Variants in CSNK1G1 observed in about 807,000 individuals in gnomAD.
CSNK1G1 encodes casein kinase 1 gamma 1, also known as casein kinase I isoform gamma-1.
A neutral mutation model predicts 59.6 loss-of-function variants in CSNK1G1; 22 were observed. The observed-to-expected ratio is 0.37, with a 90% CI of 0.26 to 0.53. The LOEUF (loss-of-function observed/expected upper bound fraction) is 0.53. Ranked by LOEUF, CSNK1G1 falls within the 20% of genes least tolerant of loss-of-function variation. The pLI, the probability that CSNK1G1 is intolerant of heterozygous loss-of-function variation, is 0.89. For missense variants in CSNK1G1, 384 were observed against 519.5 expected (o/e 0.74, Z 2.54); for synonymous variants, 179 against 177.1 (o/e 1.01, Z -0.08).
chr15:64,308,789 C>A (rs988687955), intron 1 of CSNK1G1, among the ~76,000 whole-genome samples: 3 of 151,664 alleles, frequency 2.0e-5, no homozygotes, highest in African/African-American at 7.3e-5. Flanking sequence ...CCCAGCTACT[C>A]GGGAAGCTGA....
At chr15:64,183,824 C>T (rs2081852912) in intron 10 of CSNK1G1, among the ~76,000 whole-genome samples, 1 of 151,464 alleles carries the variant, frequency 6.6e-6, no homozygotes, top group Admixed American at 6.6e-5. Flanking sequence ...CAACCTCTAC[C>T]TCCCGAGTTC....
chr15:64,317,295 G>C (rs1175078795), intron 1 of CSNK1G1, among the ~76,000 whole-genome samples: 1 of 152,068 alleles, frequency 6.6e-6, no homozygotes, highest in African/African-American at 2.4e-5. Context: ...CACCATGTTG[G>C]CCAGGCTGGT....
intron 1 of CSNK1G1, among the ~76,000 whole-genome samples, chr15:64,347,921 G>A (rs759999409): frequency 6.6e-6 from 1 of 151,650 alleles, no homozygotes; most frequent in South Asian, 2.1e-4. Flanking sequence ...CAGGGGAATC[G>A]CTTGAACCCA....
chr15:64,266,931 T>C (rs1566926149), intron 2 of CSNK1G1, among the ~76,000 whole-genome samples: 1 of 152,072 alleles, frequency 6.6e-6, no homozygotes. Flanking sequence ...ACAAGGGAAA[T>C]GCTTCATGAC....
chr15:64,219,167 T>C (rs184478189), intron 4 of CSNK1G1, among the ~76,000 whole-genome samples: 101 of 152,274 alleles, frequency 6.6e-4, no homozygotes, highest in African/African-American at 2.4e-3. Flanking sequence ...AAAGAGTCTT[T>C]TTTTCCCGGT....
At chr15:64,323,611 C>G (rs1041920292) in intron 1 of CSNK1G1, among the ~76,000 whole-genome samples, 1 of 151,966 alleles carries the variant, frequency 6.6e-6, no homozygotes, top group African/African-American at 2.4e-5. Flanking sequence ...GTGATCCACC[C>G]GCCTCGGCCT....
At chr15:64,317,710 C>A (rs1896350388) in intron 1 of CSNK1G1, among the ~76,000 whole-genome samples, 1 of 152,148 alleles carries the variant, frequency 6.6e-6, no homozygotes, top group South Asian at 2.1e-4. Context: ...GTTCCCCAGG[C>A]TGGTCTCAAA....
intron 4 of CSNK1G1, among the ~76,000 whole-genome samples, chr15:64,239,567 TG>T (rs1336486524): frequency 6.6e-6 from 1 of 152,064 alleles, no homozygotes; most frequent in Non-Finnish European, 1.5e-5. Context: ...TTCATAGAGA[TG>T]GGGTCTTGCT....
intron 1 of CSNK1G1, among the ~76,000 whole-genome samples, chr15:64,311,586 G>A (rs991057206): frequency 2.0e-5 from 3 of 147,924 alleles, no homozygotes; most frequent in Non-Finnish European, 4.5e-5. Flanking sequence ...CCACGAATTC[G>A]AAGCTGACAT....
intron 4 of CSNK1G1, among the ~76,000 whole-genome samples, chr15:64,239,495 C>T (rs2082665962): frequency 6.6e-6 from 1 of 152,096 alleles, no homozygotes; most frequent in Non-Finnish European, 1.5e-5. Flanking sequence ...CCTGCCTCAG[C>T]CCCACAAGTA....
intron 4 of CSNK1G1, among the ~76,000 whole-genome samples, chr15:64,224,788 C>G (rs2082435195): frequency 6.6e-6 from 1 of 152,038 alleles, no homozygotes; most frequent in Non-Finnish European, 1.5e-5. Context: ...GGGGAAGAGG[C>G]AGTGAGGAAA....
chr15:64,271,637 A>G (rs1201007414), intron 2 of CSNK1G1, among the ~76,000 whole-genome samples: 1 of 152,180 alleles, frequency 6.6e-6, no homozygotes, highest in Non-Finnish European at 1.5e-5. Context: ...GTTTGATATG[A>G]TTTTGGTTCT....
intron 1 of CSNK1G1, among the ~76,000 whole-genome samples, chr15:64,327,732 CG>C (rs755869776): frequency 0.015 from 2,197 of 149,210 alleles, 47 homozygotes; most frequent in African/African-American, 0.045. Flanking sequence ...CTCTGAGCTA[CG>C]GGAGGACATT....
chr15:64,165,804 TG>T lies in CSNK1G1; in HGVS notation c.*6126del, dbSNP rs2081595975. 1 of 398,796 alleles carries T rather than the reference TG, an allele frequency of 2.5e-6. No individual in the cohort carries two copies. Among genetic ancestry groups the T allele is most frequent in the African/African-American group, 2.1e-5 (1 of 48,418 alleles). 24.7% of individuals were successfully genotyped at this position (398,796 alleles called of 1,614,324 possible). On this transcript the variant is annotated 3_prime_UTR_variant, in exon 12 of 12. Coordinates refer to ENST00000303052, the MANE Select transcript of CSNK1G1 (RefSeq NM_022048.5). ...AAACTGAGTCCTTTCCTCCCCAAAC[TG>T]GGGAAGAGGTATACTTAAAGATCAC...
rs1431214361 is a variant in CSNK1G1, at chr15:64,168,233, T to A, written c.*3698A>T. ...ACTGGAAGCTAATCTTGTACCTTCC[T>A]AGACCCTGTTTATTGCTGGACAGGC... On this transcript the variant is annotated 3_prime_UTR_variant, in exon 12 of 12. Transcript: ENST00000303052. 2.6e-5 allele frequency: 4 copies of A among 152,688 alleles called. No homozygotes were observed. The highest frequency in any genetic ancestry group is 7.2e-5 in the African/African-American group (3 of 41,460). The allele number at this position is 152,688 out of a possible 1,614,324, so 9.5% of individuals were successfully genotyped here. A position where few individuals can be genotyped will look rare whatever the true frequency, so the allele number is the denominator to read the frequency against.
chr15:64,288,339 T>C (rs1169188417), intron 2 of CSNK1G1, among the ~76,000 whole-genome samples: 1 of 152,100 alleles, frequency 6.6e-6, no homozygotes, highest in Non-Finnish European at 1.5e-5. Context: ...GGTATGTACG[T>C]CATTAGGGAT....
chr15:64,276,555 C>A (rs1893625308), intron 2 of CSNK1G1, among the ~76,000 whole-genome samples: 1 of 151,746 alleles, frequency 6.6e-6, no homozygotes. Context: ...ATTAAAAGGT[C>A]AAATGGGAAC....
chr15:64,195,421 C>T (rs148319302), intron 10 of CSNK1G1, among the ~76,000 whole-genome samples: 11 of 152,254 alleles, frequency 7.2e-5, no homozygotes, highest in Admixed American at 3.3e-4. Flanking sequence ...TGAACCATTG[C>T]GGTGTAATGT....
chr15:64,257,127 A>G (rs1892421525), intron 3 of CSNK1G1, among the ~76,000 whole-genome samples: 1 of 151,810 alleles, frequency 6.6e-6, no homozygotes, highest in South Asian at 2.1e-4. Context: ...GAAATGCGGT[A>G]CTGAGTCACA....
Sources: gnomAD v4.1 joint callset for allele counts (sites outside exome capture counted in the v4.1 genomes callset) on GRCh38, gnomAD v4.1.1 for gene constraint, MANE v1.5 for transcripts, NCBI Gene and HGNC (gene_info 2026-07-23, HGNC 2026-07-21) for gene names.